GRID2: variants seen among roughly 807,000 people sequenced by gnomAD.
GRID2 encodes the protein glutamate receptor ionotropic, delta-2.
A neutral mutation model predicts 114.8 loss-of-function variants in GRID2; 33 were observed. The observed-to-expected ratio is 0.29, with a 90% CI of 0.22 to 0.38. The LOEUF (loss-of-function observed/expected upper bound fraction) is 0.38. GRID2 is among the 10% of genes least tolerant of loss of function. The pLI, the probability that GRID2 is intolerant of heterozygous loss-of-function variation, is 1.00. For missense variants in GRID2, 1,184 were observed against 1,257.7 expected (o/e 0.94, Z 0.89); for synonymous variants, 505 against 449.9 (o/e 1.12, Z -1.55).
intron 1 of GRID2, among the ~76,000 whole-genome samples, chr4:92,478,066 A>T (rs904944301): frequency 4.0e-5 from 6 of 151,792 alleles, no homozygotes; most frequent in Non-Finnish European, 8.8e-5. Context: ...AAATAACATT[A>T]AAAAATTGAC....
chr4:93,357,055 T>G (rs1387935171), intron 8 of GRID2, among the ~76,000 whole-genome samples: 1 of 151,636 alleles, frequency 6.6e-6, no homozygotes, highest in Non-Finnish European at 1.5e-5. Context: ...TTTTTTTATG[T>G]TTTTATAGCT....
intron 2 of GRID2, among the ~76,000 whole-genome samples, chr4:92,615,130 C>T (rs906898894): frequency 7.3e-5 from 11 of 151,602 alleles, no homozygotes; most frequent in African/African-American, 2.2e-4. Context: ...GTTCCAGTGC[C>T]TGGTAAGGGC....
intron 2 of GRID2, among the ~76,000 whole-genome samples, chr4:92,820,473 C>T (rs904620211): frequency 6.6e-6 from 1 of 152,070 alleles, no homozygotes; most frequent in Non-Finnish European, 1.5e-5. Flanking sequence ...GTCAGAATGA[C>T]TCAAAACACT....
intron 4 of GRID2, among the ~76,000 whole-genome samples, chr4:93,200,966 A>G (rs1742044801): frequency 6.6e-6 from 1 of 152,132 alleles, no homozygotes; most frequent in Admixed American, 6.5e-5. Flanking sequence ...ACCATATACC[A>G]TTATCTCATT....
At chr4:92,815,785 GTGGTGTGTACC>G (rs1309554259) in intron 2 of GRID2, among the ~76,000 whole-genome samples, 4 of 151,354 alleles carry the variant, frequency 2.6e-5, no homozygotes, top group Non-Finnish European at 5.9e-5. Context: ...ACTGGGCATT[GTGGTGTGTACC>G]TGTAGTCCCA....
chr4:93,165,089 T>G (rs767523944), intron 4 of GRID2, among the ~76,000 whole-genome samples: 8 of 152,050 alleles, frequency 5.3e-5, no homozygotes, highest in Non-Finnish European at 8.8e-5. Flanking sequence ...GTTGGGATAA[T>G]TAAATGAGGT....
chr4:92,728,244 T>A (rs1002080209), intron 2 of GRID2, among the ~76,000 whole-genome samples: 2 of 152,126 alleles, frequency 1.3e-5, no homozygotes, highest in Admixed American at 6.6e-5. Flanking sequence ...TACTCTTCTG[T>A]TGCTAGTAAC....
chr4:93,014,433 G>T lies in GRID2; in HGVS notation c.245-70562G>T, dbSNP rs530827668. Among the ~76,000 whole-genome samples the T allele has an allele frequency of 8.5e-5, 13 of 152,166 alleles. No homozygotes were observed. In the South Asian group the frequency reaches 2.7e-3, roughly 31 times the overall value. On this transcript the variant is annotated intron_variant, in intron 2 of 15. Coordinates refer to ENST00000282020, the MANE Select transcript of GRID2 (RefSeq NM_001510.4). Reference sequence around the variant, plus strand: ...ATCTTAAGGAAAAATCACGTAGTTTGCTGGGGCTGGAACTACAGCATAAAG... The same window carrying T: ...ATCTTAAGGAAAAATCACGTAGTTTTCTGGGGCTGGAACTACAGCATAAAG...
intron 2 of GRID2, among the ~76,000 whole-genome samples, chr4:92,949,336 G>T (rs1482645104): frequency 6.6e-6 from 1 of 151,954 alleles, no homozygotes; most frequent in Non-Finnish European, 1.5e-5. Context: ...TATACTTCAA[G>T]TTTTAGGGTA....
chr4:92,471,490 C>T (rs1006989606), intron 1 of GRID2, among the ~76,000 whole-genome samples: 1 of 152,050 alleles, frequency 6.6e-6, no homozygotes, highest in Non-Finnish European at 1.5e-5. Flanking sequence ...TCTCCTATAT[C>T]ATACTGCCTG....
chr4:92,407,742 G>A (rs1201757676), intron 1 of GRID2, among the ~76,000 whole-genome samples: 3 of 152,134 alleles, frequency 2.0e-5, no homozygotes, highest in African/African-American at 7.2e-5. Flanking sequence ...TTTGAGAAGT[G>A]TTTGTTCAGG....
chr4:93,055,253 T>G (rs775693801), intron 2 of GRID2, among the ~76,000 whole-genome samples: 1 of 151,804 alleles, frequency 6.6e-6, no homozygotes, highest in Non-Finnish European at 1.5e-5. Context: ...GAGACCTTAC[T>G]GCACAAAGTT....
At chr4:93,591,935 A>T (rs1171949526) in intron 13 of GRID2, among the ~76,000 whole-genome samples, 1 of 151,526 alleles carries the variant, frequency 6.6e-6, no homozygotes, top group East Asian at 1.9e-4. Context: ...CGTCTATTTG[A>T]TTCTTTTCTC....
rs1213287758 is a variant in GRID2 at position 93,193,836 on chromosome 4, C to G, written c.736-13568C>G. The stretch of plus-strand genomic sequence containing the variant: ...AGACGAAGAAAGTCTTGGCATACAT[C>G]TCCAGGATACCCCCTGAATTATAGG... On this transcript the variant is annotated intron_variant, in intron 4 of 15. Transcript: ENST00000282020. 2.0e-5 allele frequency among the ~76,000 whole-genome samples: 3 copies of G among 152,166 alleles called. No individual in the cohort carries two copies. In the East Asian group the frequency reaches 5.8e-4, roughly 29 times the overall value.
In GRID2 at chr4:92,851,927, C is replaced by T. The variant is rs116616702; in HGVS notation, c.245-233068C>T. On this transcript the variant is annotated intron_variant, in intron 2 of 15. Transcript: ENST00000282020. ...GAATGCAGAAAGACTCCTGAGACCA[C>T]CTAAAAAATTGCAAGAAATCAATTC... 5.9e-3 allele frequency among the ~76,000 whole-genome samples: 901 copies of T among 151,920 alleles called. 16 individuals carry two copies. Among genetic ancestry groups the T allele is most frequent in the African/African-American group, 0.021 (855 of 41,488 alleles).
intron 2 of GRID2, among the ~76,000 whole-genome samples, chr4:92,697,869 A>G (rs1395047670): frequency 6.6e-6 from 1 of 152,160 alleles, no homozygotes; most frequent in Non-Finnish European, 1.5e-5. Context: ...ATCAGGAAGA[A>G]ATTAAAATAT....
At chr4:92,709,046 A>G (rs1029620991) in intron 2 of GRID2, among the ~76,000 whole-genome samples, 2 of 152,194 alleles carry the variant, frequency 1.3e-5, no homozygotes, top group Non-Finnish European at 1.5e-5. Flanking sequence ...GATCAGCAAA[A>G]TAGAAGGAGC....
intron 2 of GRID2, among the ~76,000 whole-genome samples, chr4:92,963,275 A>G (rs1752940104): frequency 6.6e-6 from 1 of 151,968 alleles, no homozygotes; most frequent in South Asian, 2.1e-4. Flanking sequence ...TTCACAAAAG[A>G]TTTCTCTATA....
At chr4:93,803,178 G>A (rs1057065781) in intron 1 of GRID2, among the ~76,000 whole-genome samples, 2 of 152,110 alleles carry the variant, frequency 1.3e-5, no homozygotes, top group African/African-American at 2.4e-5. Flanking sequence ...ATTTTCTTAA[G>A]CAAATAAAAG....
Sources: gnomAD v4.1 joint callset for allele counts (sites outside exome capture counted in the v4.1 genomes callset) on GRCh38, gnomAD v4.1.1 for gene constraint, MANE v1.5 for transcripts, NCBI Gene and HGNC (gene_info 2026-07-23, HGNC 2026-07-21) for gene names.